PDE1C: variants seen among roughly 807,000 people sequenced by gnomAD.
PDE1C encodes dual specificity calcium/calmodulin-dependent 3',5'-cyclic nucleotide phosphodiesterase 1C.
Under a neutral mutation model 93.1 loss-of-function variants are expected in PDE1C, and 62 were observed. The ratio of observed to expected loss-of-function variants is 0.67; its 90% confidence interval spans 0.54 to 0.82. The LOEUF (loss-of-function observed/expected upper bound fraction) is 0.82. Among genes scored for constraint, PDE1C ranks in the 40% least tolerant of loss-of-function variants. The probability of loss-of-function intolerance (pLI) is 0.00; values close to 1 mark genes in which losing one functional copy is unlikely to be tolerated. For missense variants in PDE1C, 742 were observed against 884.6 expected, an observed-to-expected ratio of 0.84 and a Z score of 2.04; for synonymous variants, 325 against 310.1, an observed-to-expected ratio of 1.05 and a Z score of -0.50.
the PDE1C span, among the ~76,000 whole-genome samples, chr7:31,640,601 A>T: frequency 1.3e-5 from 2 of 151,612 alleles, no homozygotes; most frequent in East Asian, 3.9e-4. Flanking sequence ...TTTCTCAAGG[A>T]CTGCTGTCTG....
At chr7:32,214,743 A>C (rs1321036999) in intron 1 of PDE1C, among the ~76,000 whole-genome samples, 1 of 152,214 alleles carries the variant, frequency 6.6e-6, no homozygotes, top group East Asian at 1.9e-4. Context: ...GAGACCTATT[A>C]GTGGGCAACT....
intron 17 of PDE1C, 75 bp from the exon 18 acceptor site, chr7:31,753,628 A>G: frequency 6.6e-7 from 1 of 1,513,828 alleles, no homozygotes; most frequent in African/African-American, 1.4e-5. Context: ...TATTGTGAGC[A>G]ACTTCCTCTA....
rs550386677 is a variant in PDE1C, at chr7:32,203,177, AC to A, written c.136+6311del. On this transcript the variant is annotated intron_variant, in intron 2 of 18. Transcript: ENST00000396193. ...CACTGAAAGCCCAGCCACCAGCCACACAGTCCCCCACTCATGGCATTTCTCA... is the reference window on the plus strand; with the variant it reads ...CACTGAAAGCCCAGCCACCAGCCACAAGTCCCCCACTCATGGCATTTCTCA... Among the ~76,000 whole-genome samples, 666 of 151,460 alleles carry A rather than the reference AC, an allele frequency of 4.4e-3. 7 individuals carry two copies. The highest frequency in any genetic ancestry group is 0.015 in the African/African-American group (635 of 41,284).
intron 1 of PDE1C, among the ~76,000 whole-genome samples, chr7:32,314,204 A>C (rs865791076): frequency 6.6e-6 from 1 of 152,332 alleles, no homozygotes; most frequent in Non-Finnish European, 1.5e-5. Flanking sequence ...ATTAGAAAGC[A>C]AGACAAAAAT....
intron 1 of PDE1C, among the ~76,000 whole-genome samples, chr7:32,425,515 T>C (rs1199794892): frequency 6.6e-6 from 1 of 151,164 alleles, no homozygotes; most frequent in African/African-American, 2.4e-5. Context: ...AATTCTTGTA[T>C]AATCAAAAAG....
intron 3 of PDE1C, among the ~76,000 whole-genome samples, chr7:32,168,511 T>C (rs1407855275): frequency 6.6e-6 from 1 of 152,194 alleles, no homozygotes; most frequent in Non-Finnish European, 1.5e-5. Flanking sequence ...ATTGACTCCA[T>C]AAGAAATGCT....
chr7:31,750,068 C>G (rs1281687062), downstream of PDE1C, among the ~76,000 whole-genome samples: 4 of 152,250 alleles, frequency 2.6e-5, no homozygotes, highest in Admixed American at 2.6e-4. Context: ...GTTGATTCTG[C>G]TGTGCTATCA....
At chr7:31,866,961 G>T (rs993358716) in intron 6 of PDE1C, among the ~76,000 whole-genome samples, 1 of 152,010 alleles carries the variant, frequency 6.6e-6, no homozygotes, top group Non-Finnish European at 1.5e-5. Flanking sequence ...AGCTCATGCT[G>T]GGTCCCACAC....
intron 1 of PDE1C, among the ~76,000 whole-genome samples, chr7:32,274,986 G>A (rs997932702): frequency 7.9e-5 from 12 of 152,102 alleles, no homozygotes; most frequent in Admixed American, 5.9e-4. Context: ...TCTACAAGTC[G>A]CTAAGTTTCT....
chr7:32,427,562 C>T (rs1785559996), intron 1 of PDE1C, among the ~76,000 whole-genome samples: 1 of 152,178 alleles, frequency 6.6e-6, no homozygotes, highest in Admixed American at 6.5e-5. Context: ...CCCCATGGTG[C>T]CGGCCCCGGT....
the PDE1C span, among the ~76,000 whole-genome samples, chr7:31,628,864 T>G: frequency 6.6e-6 from 1 of 152,174 alleles, no homozygotes; most frequent in East Asian, 1.9e-4. Context: ...TCTGAACATT[T>G]GATGTAATCC....
chr7:31,697,629 A>G, the PDE1C span, among the ~76,000 whole-genome samples: 1 of 147,068 alleles, frequency 6.8e-6, no homozygotes, highest in Non-Finnish European at 1.5e-5. Context: ...TGTGAGATAC[A>G]GTCCTTGTCT....
intron 2 of PDE1C, among the ~76,000 whole-genome samples, chr7:31,985,949 G>C (rs905535984): frequency 2.6e-5 from 4 of 152,100 alleles, no homozygotes; most frequent in Non-Finnish European, 4.4e-5. Flanking sequence ...TTGCATAACA[G>C]GTAGAATGAC....
chr7:31,952,882 T>TC (rs750723888), intron 2 of PDE1C, among the ~76,000 whole-genome samples: 2 of 152,062 alleles, frequency 1.3e-5, no homozygotes, highest in African/African-American at 2.4e-5. Flanking sequence ...ATGCCAACCA[T>TC]CTAAGTTCCC....
chr7:32,213,686 A>C (rs1282990074), intron 1 of PDE1C, among the ~76,000 whole-genome samples: 2 of 152,210 alleles, frequency 1.3e-5, no homozygotes, highest in African/African-American at 2.4e-5. Context: ...AATACAGTAG[A>C]TGTTCCGTTT....
rs1003248541 is a variant in PDE1C, at chr7:31,830,974, A to T, written c.1204-2601T>A. 2.0e-5 allele frequency among the ~76,000 whole-genome samples: 3 copies of T among 152,308 alleles called. No homozygotes were observed. The East Asian group carries it at 5.8e-4, about 29-fold the overall frequency. ...TATACATTTGGGGGTAGCTATATGT[A>T]AGCAGCAAACCAGTCAAAAGAGACA... On this transcript the variant is annotated intron_variant, in intron 11 of 17. Transcript: ENST00000396191.
intron 17 of PDE1C, among the ~76,000 whole-genome samples, chr7:31,755,439 T>C (rs1305782769): frequency 6.6e-6 from 1 of 152,152 alleles, no homozygotes; most frequent in Non-Finnish European, 1.5e-5. Flanking sequence ...ACTGCCCTGA[T>C]CTTGGTTTCT....
At chr7:31,818,432 T>C (rs1788536472) in intron 14 of PDE1C, among the ~76,000 whole-genome samples, 1 of 152,142 alleles carries the variant, frequency 6.6e-6, no homozygotes, top group Non-Finnish European at 1.5e-5. Context: ...GAATTCCCAG[T>C]GCTTAGCATG....
At chr7:32,387,453 G>C (rs1384016172) in intron 1 of PDE1C, among the ~76,000 whole-genome samples, 1 of 151,642 alleles carries the variant, frequency 6.6e-6, no homozygotes, top group African/African-American at 2.4e-5. Flanking sequence ...AGGGGCGGCC[G>C]GGCAGAAGCG....
Sources: gnomAD v4.1 joint callset for allele counts (sites outside exome capture counted in the v4.1 genomes callset) on GRCh38, gnomAD v4.1.1 for gene constraint, MANE v1.5 for transcripts, NCBI Gene and HGNC (gene_info 2026-07-23, HGNC 2026-07-21) for gene names.